ART3: variants seen among roughly 807,000 people sequenced by gnomAD.
The protein encoded by ART3 is ADP-ribosyltransferase 3 (inactive).
A neutral mutation model predicts 48.5 loss-of-function variants in ART3; 49 were observed. The ratio of observed to expected loss-of-function variants is 1.01; its 90% CI spans 0.80 to 1.28. ART3 has a LOEUF of 1.28. ART3 is among the 50% of genes most tolerant of loss of function. The pLI is 0.00. For missense variants in ART3, 438 were observed against 454.3 expected (o/e 0.96, Z 0.33); for synonymous variants, 145 against 157.2 (o/e 0.92, Z 0.58).
chr4:76,078,850 A>G (rs1327181627), intron 2 of ART3, among the ~76,000 whole-genome samples: 2 of 152,088 alleles, frequency 1.3e-5, no homozygotes, highest in Non-Finnish European at 2.9e-5. Flanking sequence ...GGAGGCCGAG[A>G]AAGGCAGATC....
At chr4:76,038,677 G>A (rs1286967245) in intron 1 of ART3, among the ~76,000 whole-genome samples, 2 of 152,084 alleles carry the variant, frequency 1.3e-5, no homozygotes, top group African/African-American at 4.8e-5. Flanking sequence ...GAGTCAGCCT[G>A]TGTTCAAATC....
intron 2 of ART3, among the ~76,000 whole-genome samples, chr4:76,076,372 G>C (rs1412399209): frequency 6.6e-6 from 1 of 152,016 alleles, no homozygotes; most frequent in Non-Finnish European, 1.5e-5. Context: ...AATGAAAGTA[G>C]GTAGGATAGG....
intron 1 of ART3, among the ~76,000 whole-genome samples, chr4:76,066,361 A>C (rs1383576591): frequency 6.6e-6 from 1 of 151,984 alleles, no homozygotes; most frequent in Non-Finnish European, 1.5e-5. Context: ...TCAGAAGGAG[A>C]CCCACAGTGG....
intron 1 of ART3, chr4:76,022,574 A>G: frequency 6.8e-7 from 1 of 1,474,836 alleles, no homozygotes; most frequent in Non-Finnish European, 9.3e-7. Context: ...TGTTTGCTGT[A>G]CATTAGTTTT....
At chr4:76,072,243 T>G (rs184617507), upstream of ART3, among the ~76,000 whole-genome samples, 2 of 152,342 alleles carry the variant, frequency 1.3e-5, no homozygotes, top group East Asian at 3.9e-4. Context: ...TCCATTTACT[T>G]TTTTGTGAGT....
intron 1 of ART3, among the ~76,000 whole-genome samples, chr4:76,065,462 T>C (rs1450939645): frequency 1.3e-5 from 2 of 152,028 alleles, no homozygotes; most frequent in African/African-American, 2.4e-5. Context: ...TAGTCCTGGC[T>C]GAGAATCAGG....
intron 8 of ART3, among the ~76,000 whole-genome samples, chr4:76,103,637 T>A (rs1727825663): frequency 6.6e-6 from 1 of 152,038 alleles, no homozygotes; most frequent in Non-Finnish European, 1.5e-5. Context: ...CAAGCAGAAA[T>A]GTAAAACCAG....
chr4:76,094,315 T>A (rs1173708147), intron 3 of ART3, among the ~76,000 whole-genome samples: 2 of 152,236 alleles, frequency 1.3e-5, no homozygotes, highest in African/African-American at 4.8e-5. Flanking sequence ...TTTACTTTTC[T>A]GATAATACTA....
intron 1 of ART3, chr4:76,041,220 C>T (rs1734943935): frequency 6.6e-6 from 1 of 152,160 alleles, no homozygotes; most frequent in African/African-American, 2.4e-5. Flanking sequence ...GACGTGTCTT[C>T]AGGATTGTGA....
At chr4:76,104,004 G>A (rs776302809) in intron 9 of ART3, 35 bp downstream of exon 9, 11 of 1,602,030 alleles carry the variant, frequency 6.9e-6, no homozygotes, top group East Asian at 2.2e-5. Flanking sequence ...CTGAGCCCAA[G>A]AATGAGTTGA....
At chr4:76,014,126 A>C (rs1174706208) in intron 1 of ART3, among the ~76,000 whole-genome samples, 1 of 152,162 alleles carries the variant, frequency 6.6e-6, no homozygotes, top group Non-Finnish European at 1.5e-5. Flanking sequence ...TTATGTTGAA[A>C]ACCTAACTGC....
chr4:76,046,360 AG>A (rs1273262441), intron 1 of ART3, among the ~76,000 whole-genome samples: 1 of 152,014 alleles, frequency 6.6e-6, no homozygotes, highest in Non-Finnish European at 1.5e-5. Context: ...CTGGATATAG[AG>A]GAATTACTGC....
At chr4:76,042,496 T>C (rs1211464791) in intron 1 of ART3, among the ~76,000 whole-genome samples, 1 of 152,200 alleles carries the variant, frequency 6.6e-6, no homozygotes, top group East Asian at 1.9e-4. Context: ...ATAGATAGAC[T>C]GAACAGATTA....
At chr4:76,088,933 T>TGA (rs1724214695) in intron 3 of ART3, among the ~76,000 whole-genome samples, 1 of 152,140 alleles carries the variant, frequency 6.6e-6, no homozygotes, top group Non-Finnish European at 1.5e-5. Context: ...TTTGATGACA[T>TGA]CATAAATTTG....
rs150236413 is a variant in ART3 at position 76,030,941 on chromosome 4, A to T, written c.-10+19621A>T. On this transcript the variant is annotated intron_variant, in intron 1 of 9. Coordinates refer to the ART3 transcript ENST00000341029. Reference sequence around the variant, plus strand: ...ATAATGCTGCTATGAACATTTGTGTACCAGTTTTTGTTTAAAGAGCTGTTT... The same window carrying T: ...ATAATGCTGCTATGAACATTTGTGTTCCAGTTTTTGTTTAAAGAGCTGTTT... 2.0e-4 allele frequency among the ~76,000 whole-genome samples: 31 copies of T among 152,188 alleles called. No homozygotes were observed. The East Asian group carries it at 6.0e-3, about 29-fold the overall frequency.
At chr4:76,042,170 G>A (rs1223038864) in intron 1 of ART3, among the ~76,000 whole-genome samples, 1 of 152,160 alleles carries the variant, frequency 6.6e-6, no homozygotes, top group East Asian at 1.9e-4. Flanking sequence ...TATTAATGCT[G>A]CTAAGTTAGC....
intron 1 of ART3, among the ~76,000 whole-genome samples, chr4:76,044,856 C>T (rs890567346): frequency 6.6e-6 from 1 of 152,060 alleles, no homozygotes; most frequent in Admixed American, 6.5e-5. Flanking sequence ...GTAAGACTCC[C>T]ACCTCTTTGG....
At chr4:76,029,521 G>A (rs540667848) in intron 1 of ART3, among the ~76,000 whole-genome samples, 1 of 152,150 alleles carries the variant, frequency 6.6e-6, no homozygotes, top group East Asian at 1.9e-4. Context: ...TGCAGACAAG[G>A]CAAGAAGAAG....
chr4:76,051,112 G>T (rs1453682232), intron 1 of ART3, among the ~76,000 whole-genome samples: 1 of 152,294 alleles, frequency 6.6e-6, no homozygotes, highest in Non-Finnish European at 1.5e-5. Context: ...CCACAGTGCA[G>T]CAGTGGGCTG....
Sources: allele counts gnomAD v4.1 joint callset (sites outside exome capture counted in the v4.1 genomes callset), GRCh38; gene constraint gnomAD v4.1.1; transcripts MANE v1.5; gene names NCBI Gene and HGNC (gene_info 2026-07-23, HGNC 2026-07-21).